UNC79: variants seen among roughly 807,000 people sequenced by gnomAD.
The protein encoded by UNC79 is protein unc-79 homolog.
Under a neutral mutation model 283.1 loss-of-function variants are expected in UNC79, and 37 were observed. The observed-to-expected ratio is 0.13, with a 90% confidence interval of 0.10 to 0.17. The LOEUF (loss-of-function observed/expected upper bound fraction) is 0.17, where lower values mean the gene tolerates loss of function less well. UNC79 is among the 10% of genes least tolerant of loss of function. UNC79 has a pLI of 1.00. For missense variants in UNC79, 2,272 were observed against 3,211.1 expected (o/e 0.71, Z 7.07); for synonymous variants, 1,107 against 1,200.2 (o/e 0.92, Z 1.61).
intron 32 of UNC79, among the ~76,000 whole-genome samples, chr14:93,637,650 G>T (rs2068632423): frequency 6.6e-6 from 1 of 152,104 alleles, no homozygotes; most frequent in South Asian, 2.1e-4. Flanking sequence ...TAGAGATGAG[G>T]TTTCACCATG....
rs759657150 is a variant in UNC79, at chr14:93,586,742, A to G, written c.2884-18A>G. On this transcript the variant is annotated intron_variant, in intron 21 of 48. Coordinates refer to ENST00000555664, the Ensembl canonical transcript of UNC79. ...TACTGTTTTGGATAACTTAGTAACC[A>G]TGTGGTTTTTTGTATAGGAAATGGC... 2 of 1,613,210 alleles carry G rather than the reference A, an allele frequency of 1.2e-6. No homozygotes were observed. The highest frequency in any genetic ancestry group is 8.5e-7 in the Non-Finnish European group (1 of 1,179,714).
At position 93,662,782 on chromosome 14, in the gene UNC79, A is replaced by G. The variant is rs992118498; in HGVS notation, c.6636+68A>G. On this transcript the variant is annotated intron_variant, in intron 40 of 48. Transcript: ENST00000555664. The stretch of plus-strand genomic sequence containing the variant: ...TGGCAGAAATATATTCTTTTGAATC[A>G]GTGTCAAGTCCCTTTTAGCTCAGTT... The G allele has an allele frequency of 2.4e-5, 30 of 1,267,522 alleles. 1 individual carries two copies. The highest frequency in any genetic ancestry group is 8.4e-5 in the Admixed American group (4 of 47,786). The allele number at this position is 1,267,522 out of a possible 1,614,324, so 78.5% of individuals were successfully genotyped here.
exon 16 of UNC79, chr14:93,572,792 G>A: frequency 2.5e-6 from 4 of 1,613,868 alleles, no homozygotes; most frequent in Non-Finnish European, 2.5e-6. Context: ...CCTCTGTGCA[G>A]GAGCAAGCTT....
intron 1 of UNC79, among the ~76,000 whole-genome samples, chr14:93,419,108 T>C (rs911985258): frequency 6.8e-6 from 1 of 146,146 alleles, no homozygotes; most frequent in African/African-American, 2.7e-5. Flanking sequence ...TCACCCGTCT[T>C]CTGTGTCACG....
chr14:93,548,724 G>A (rs953408487), intron 14 of UNC79, among the ~76,000 whole-genome samples: 8 of 152,118 alleles, frequency 5.3e-5, no homozygotes, highest in African/African-American at 1.7e-4. Flanking sequence ...TGAGTAAACA[G>A]CTCCTTTAGG....
At chr14:93,666,125 A>G (rs1172483988) in intron 40 of UNC79, among the ~76,000 whole-genome samples, 1 of 152,008 alleles carries the variant, frequency 6.6e-6, no homozygotes, top group African/African-American at 2.4e-5. Context: ...TATATTATCT[A>G]CAAGAAGGAC....
At chr14:93,591,273 G>A (rs1323230972) in intron 22 of UNC79, among the ~76,000 whole-genome samples, 2 of 152,218 alleles carry the variant, frequency 1.3e-5, no homozygotes, top group East Asian at 3.9e-4. Flanking sequence ...TACCGGTGCA[G>A]CATGAGCTAT....
At chr14:93,430,107 C>T (rs1463975076), upstream of UNC79, among the ~76,000 whole-genome samples, 1 of 152,186 alleles carries the variant, frequency 6.6e-6, no homozygotes, top group African/African-American at 2.4e-5. The surrounding 1 kb of genome is among the most constrained non-coding windows in gnomAD (Gnocchi z 4.6). Context: ...GAGGGGCTTC[C>T]TAATGTGTCC....
chr14:93,584,059 G>A (rs1182384203), intron 20 of UNC79, among the ~76,000 whole-genome samples: 2 of 151,902 alleles, frequency 1.3e-5, no homozygotes. Flanking sequence ...CACCCGTCTC[G>A]GCCTCCCAAA....
At chr14:93,476,663 CA>C (rs1221463085) in intron 3 of UNC79, among the ~76,000 whole-genome samples, 3 of 152,160 alleles carry the variant, frequency 2.0e-5, no homozygotes, top group Non-Finnish European at 4.4e-5. Flanking sequence ...ATAATGAATA[CA>C]AAAGTGATCC....
At chr14:93,622,512 C>T (rs2067213957) in exon 30 of UNC79, 3 of 1,614,074 alleles carry the variant, frequency 1.9e-6, no homozygotes, top group Non-Finnish European at 1.7e-6. Context: ...CCCGAGATGT[C>T]GCTGGATGAT....
At chr14:93,594,933 C>T (rs1433546932) in intron 23 of UNC79, among the ~76,000 whole-genome samples, 2 of 152,046 alleles carry the variant, frequency 1.3e-5, no homozygotes, top group Admixed American at 1.3e-4. Context: ...AATATATGGC[C>T]ACTTCAAAAC....
chr14:93,615,163 T>A (rs996922052), intron 27 of UNC79, among the ~76,000 whole-genome samples: 1 of 152,172 alleles, frequency 6.6e-6, no homozygotes, highest in African/African-American at 2.4e-5. Context: ...AGAAAACATA[T>A]TGCAAAGCAC....
chr14:93,625,118 A>G (rs886899913), intron 30 of UNC79, among the ~76,000 whole-genome samples: 2 of 152,172 alleles, frequency 1.3e-5, no homozygotes, highest in African/African-American at 2.4e-5. Flanking sequence ...AATCCCTCAC[A>G]CACATTCTCC....
At chr14:93,592,995 C>A (rs142801377) in intron 22 of UNC79, among the ~76,000 whole-genome samples, 367 of 152,310 alleles carry the variant, frequency 2.4e-3, no homozygotes, top group African/African-American at 8.4e-3. Flanking sequence ...GAAGGAGGGT[C>A]ATTGGCAGTT....
intron 1 of UNC79, among the ~76,000 whole-genome samples, chr14:93,417,509 C>G (rs1381133005): frequency 5.3e-5 from 8 of 152,110 alleles, no homozygotes; most frequent in Non-Finnish European, 8.8e-5. Flanking sequence ...CTTGGAGTTG[C>G]TCTTCTCGAG....
At chr14:93,507,241 A>G (rs759121065) in intron 7 of UNC79, among the ~76,000 whole-genome samples, 105 of 152,234 alleles carry the variant, frequency 6.9e-4, no homozygotes, top group Admixed American at 1.3e-3. Flanking sequence ...TTACGCATTT[A>G]TTTCTCTTGG....
intron 1 of UNC79, among the ~76,000 whole-genome samples, chr14:93,449,291 A>AT: frequency 6.6e-6 from 1 of 152,230 alleles, no homozygotes; most frequent in Admixed American, 6.5e-5. Flanking sequence ...TAAGCTGATT[A>AT]TTTTTGAGTG....
At chr14:93,467,482 G>A (rs1439337467) in intron 1 of UNC79, among the ~76,000 whole-genome samples, 189 bp from the exon 2 acceptor site, 1 of 151,178 alleles carries the variant, frequency 6.6e-6, no homozygotes, top group Non-Finnish European at 1.5e-5. Flanking sequence ...AAGTTTTTTT[G>A]TAATTGTTTC....
Sources: allele counts gnomAD v4.1 joint callset (sites outside exome capture counted in the v4.1 genomes callset), GRCh38; gene constraint gnomAD v4.1.1; non-coding constraint Gnocchi (gnomAD v3.1); transcripts MANE v1.5; gene names NCBI Gene and HGNC (gene_info 2026-07-23, HGNC 2026-07-21).